Variants in KIF27 observed in about 807,000 individuals in gnomAD.
KIF27 encodes the protein kinesin family member 27.
In KIF27, 84 loss-of-function variants were observed where a neutral mutation model predicts 141.8. That is an observed-to-expected ratio of 0.59 (90% confidence interval 0.50 to 0.71). KIF27 has a LOEUF of 0.71. Ranked by LOEUF, KIF27 falls within the 30% of genes least tolerant of loss-of-function variation. KIF27 has a pLI of 0.00. For synonymous variants in KIF27, 471 were observed against 569.5 expected, an observed-to-expected ratio of 0.83 and a Z score of 2.46; for missense variants, 1,306 against 1,628.4, an observed-to-expected ratio of 0.80 and a Z score of 3.41.
At chr9:83,873,248 C>A (rs754935187) in intron 11 of KIF27, among the ~76,000 whole-genome samples, 41 of 152,236 alleles carry the variant, frequency 2.7e-4, no homozygotes, top group South Asian at 2.1e-4. Context: ...GACAAGGGAG[C>A]ACAATTTCCA....
At chr9:83,862,639 G>T (rs1027822044) in intron 13 of KIF27, among the ~76,000 whole-genome samples, 5 of 152,170 alleles carry the variant, frequency 3.3e-5, no homozygotes, top group African/African-American at 1.2e-4. Context: ...TTTGGCTTAG[G>T]ATTGTCTTGG....
intron 11 of KIF27, among the ~76,000 whole-genome samples, chr9:83,876,648 C>G (rs542404193): frequency 6.6e-6 from 1 of 152,262 alleles, no homozygotes; most frequent in African/African-American, 2.4e-5. Flanking sequence ...GGACTTACTT[C>G]CCAATTTCAA....
At chr9:83,854,830 T>C (rs1290262403) in intron 14 of KIF27, among the ~76,000 whole-genome samples, 1 of 152,236 alleles carries the variant, frequency 6.6e-6, no homozygotes. Flanking sequence ...GAGGCCACCT[T>C]GATAAGTTCC....
chr9:83,844,363 T>TATAGATATATAGATAG (rs1946980725), intron 16 of KIF27, among the ~76,000 whole-genome samples: 1 of 151,728 alleles, frequency 6.6e-6, no homozygotes, highest in African/African-American at 2.4e-5. Flanking sequence ...TATATCTATA[T>TATAGATATATAGATAG]CTATATCTAT....
intron 16 of KIF27, among the ~76,000 whole-genome samples, chr9:83,843,785 C>T (rs541425364): frequency 7.9e-5 from 12 of 152,112 alleles, no homozygotes; most frequent in Admixed American, 1.3e-4. Flanking sequence ...TGTAGTGGTG[C>T]AATCATGGCT....
intron 14 of KIF27, chr9:83,858,873 C>A (rs576265696): frequency 4.9e-6 from 2 of 407,588 alleles, no homozygotes; most frequent in Admixed American, 3.8e-5. Flanking sequence ...GACGAGAAAC[C>A]CCAGCTGAGG....
chr9:83,880,039 T>G, intron 11 of KIF27: 1 of 524,448 alleles, frequency 1.9e-6, no homozygotes, highest in Non-Finnish European at 3.3e-6. Flanking sequence ...CAGCTTCAAT[T>G]AAAGTTAGGA....
chr9:83,834,308 C>G lies in KIF27; in HGVS notation c.*2693G>C, dbSNP rs1564243419. On this transcript the variant is annotated 3_prime_UTR_variant, in exon 18 of 18. Transcript: ENST00000297814. ...GGTAGGTGTCTAATTTTTTTCTTTCCTTTGTGAGAACACCGACTAAACTAG... is the reference window on the plus strand; with the variant it reads ...GGTAGGTGTCTAATTTTTTTCTTTCGTTTGTGAGAACACCGACTAAACTAG... Among the ~76,000 whole-genome samples the G allele has an allele frequency of 6.6e-6, 1 of 151,668 alleles. No individual in the cohort carries two copies. The highest frequency in any genetic ancestry group is 1.9e-4 in the East Asian group (1 of 5,190).
chr9:83,855,482 C>A (rs534611794), intron 14 of KIF27, among the ~76,000 whole-genome samples: 34 of 152,208 alleles, frequency 2.2e-4, no homozygotes, highest in South Asian at 4.2e-4. Flanking sequence ...AAGAAAAAAA[C>A]CCCTTAAATA....
At chr9:83,911,699 G>A (rs1286343862) in intron 2 of KIF27, among the ~76,000 whole-genome samples, 4 of 151,660 alleles carry the variant, frequency 2.6e-5, no homozygotes, top group African/African-American at 9.7e-5. Flanking sequence ...ACACCACCAC[G>A]TCTGACTGGT....
At chr9:83,852,791 G>T (rs1470002768) in intron 15 of KIF27, among the ~76,000 whole-genome samples, 2 of 152,046 alleles carry the variant, frequency 1.3e-5, no homozygotes, top group African/African-American at 4.8e-5. Context: ...ACCATACCCG[G>T]CTAATTTTGG....
chr9:83,885,082 G>A (rs1951979442), intron 9 of KIF27, among the ~76,000 whole-genome samples: 1 of 152,044 alleles, frequency 6.6e-6, no homozygotes, highest in Admixed American at 6.6e-5. Context: ...ATAATCACCA[G>A]AGACAGTTTA....
rs114730296 is a variant in KIF27, at chr9:83,899,540, T to C, written c.1602+121A>G. On this transcript the variant is annotated intron_variant, in intron 5 of 17. Transcript: ENST00000297814. ...CTAATAATTCTTTCAGGTGCCTATGTTCAGAACTCTTCAAATGAACATCCT... is the reference window on the plus strand; with the variant it reads ...CTAATAATTCTTTCAGGTGCCTATGCTCAGAACTCTTCAAATGAACATCCT... The C allele has an allele frequency of 2.1e-3, 1,509 of 735,330 alleles. 6 individuals carry two copies. The highest frequency in any genetic ancestry group is 0.02 in the African/African-American group (1,229 of 60,360). 45.6% of individuals were successfully genotyped at this position (735,330 alleles called of 1,614,324 possible). A position where few individuals can be genotyped will look rare whatever the true frequency, so the allele number is the denominator to read the frequency against.
intron 13 of KIF27, chr9:83,863,903 G>A (rs2131944173): frequency 6.6e-6 from 1 of 152,262 alleles, no homozygotes; most frequent in East Asian, 1.9e-4. Context: ...GTTTAGTCTT[G>A]GGAGGGTGTA....
chr9:83,895,528 C>T (rs545674929), intron 5 of KIF27, among the ~76,000 whole-genome samples: 2 of 152,222 alleles, frequency 1.3e-5, no homozygotes, highest in Admixed American at 1.3e-4. Flanking sequence ...TTGTATTCAA[C>T]ACTGCATTGG....
intron 17 of KIF27, among the ~76,000 whole-genome samples, chr9:83,840,301 C>T (rs1284887500): frequency 0.016 from 2,421 of 151,056 alleles, 87 homozygotes; most frequent in African/African-American, 0.056. Flanking sequence ...AAAATAGAAG[C>T]ATTTTAAATG....
At chr9:83,887,861 C>T (rs1952252954) in intron 8 of KIF27, among the ~76,000 whole-genome samples, 2 of 151,982 alleles carry the variant, frequency 1.3e-5, no homozygotes, top group South Asian at 4.1e-4. Flanking sequence ...ATTTTTGGCT[C>T]ATAAAGCCAC....
Position 83,921,416 on chromosome 9 carries a change from C to G in KIF27, c.-133G>C, listed in dbSNP as rs932041533. 2.6e-5 allele frequency: 4 copies of G among 152,496 alleles called. No individual in the cohort carries two copies. The highest frequency in any genetic ancestry group is 6.8e-3 in the Middle Eastern group (2 of 294). 9.4% of individuals were successfully genotyped at this position (152,496 alleles called of 1,614,324 possible). A position where few individuals can be genotyped will look rare whatever the true frequency, so the allele number is the denominator to read the frequency against. ...CCCTGTCGGCGAGCGCTGGACTCCT[C>G]AGCTTCGCTCTGCCACACCGCGCAG... On this transcript the variant is annotated 5_prime_UTR_variant, in exon 1 of 18. Transcript: ENST00000297814.
chr9:83,878,081 G>A (rs1951346996), intron 11 of KIF27, among the ~76,000 whole-genome samples: 1 of 146,718 alleles, frequency 6.8e-6, no homozygotes, highest in Non-Finnish European at 1.5e-5. Flanking sequence ...GGAGAATGGC[G>A]TGAACTCAGG....
Sources: allele counts gnomAD v4.1 joint callset (sites outside exome capture counted in the v4.1 genomes callset), GRCh38; gene constraint gnomAD v4.1.1; transcripts MANE v1.5; gene names NCBI Gene and HGNC (gene_info 2026-07-23, HGNC 2026-07-21).